AUTS2: variants seen among roughly 807,000 people sequenced by gnomAD.
AUTS2 encodes the protein activator of transcription and developmental regulator AUTS2, also known as autism susceptibility gene 2 protein.
AUTS2 carries 17 observed loss-of-function variants against 112.4 expected under a neutral mutation model. That is an observed-to-expected ratio of 0.15 (90% CI 0.10 to 0.23). AUTS2 has a LOEUF of 0.23. Ranked by LOEUF, AUTS2 falls within the 10% of genes least tolerant of loss-of-function variation. The pLI is 1.00. For missense variants in AUTS2, 1,510 were observed against 1,701.6 expected (o/e 0.89, Z 1.98); for synonymous variants, 751 against 702.7 (o/e 1.07, Z -1.09).
At chr7:70,046,979 GT>G (rs1158852364) in intron 2 of AUTS2, among the ~76,000 whole-genome samples, 2 of 152,128 alleles carry the variant, frequency 1.3e-5, no homozygotes, top group South Asian at 2.1e-4. Flanking sequence ...GAACCAGTTG[GT>G]TTTTTATTGT....
intron 5 of AUTS2, among the ~76,000 whole-genome samples, chr7:70,645,950 T>C (rs1042230865): frequency 2.6e-5 from 4 of 151,890 alleles, no homozygotes; most frequent in Admixed American, 1.3e-4. Flanking sequence ...GACTTTTTTT[T>C]CTTTGGCCGT....
intron 6 of AUTS2, among the ~76,000 whole-genome samples, chr7:70,733,324 T>C (rs992459387): frequency 3.9e-5 from 6 of 152,204 alleles, no homozygotes; most frequent in African/African-American, 1.4e-4. Context: ...AGTCATGGAA[T>C]AGTTCTATTG....
chr7:70,422,424 G>C (rs972865584), intron 4 of AUTS2, among the ~76,000 whole-genome samples: 2 of 152,118 alleles, frequency 1.3e-5, no homozygotes, highest in Admixed American at 6.5e-5. Flanking sequence ...GTAACCTTAA[G>C]ATGTGATTTC....
intron 2 of AUTS2, among the ~76,000 whole-genome samples, chr7:70,080,692 T>C (rs1338993393): frequency 1.3e-5 from 2 of 152,204 alleles, no homozygotes; most frequent in African/African-American, 2.4e-5. Context: ...AGAATGTAGC[T>C]CTGTGTCTTA....
Position 69,810,676 on chromosome 7 carries a change from T to A in AUTS2, c.310-88610T>A, listed in dbSNP as rs917569074. On this transcript the variant is annotated intron_variant, in intron 1 of 18. Transcript: ENST00000342771. ...ACCATTGTGTGTTTCCATGTGATCT[T>A]CCTTCCGTTTGAATATGACTAAAAA... Among the ~76,000 whole-genome samples, 12 of 152,118 alleles carry A rather than the reference T, an allele frequency of 7.9e-5. 1 individual carries two copies. The highest frequency in any genetic ancestry group is 1.2e-4 in the Non-Finnish European group (8 of 68,010).
intron 4 of AUTS2, among the ~76,000 whole-genome samples, chr7:70,421,379 G>A (rs1672278893): frequency 6.6e-6 from 1 of 151,016 alleles, no homozygotes; most frequent in African/African-American, 2.4e-5. Context: ...AAGTGGACAG[G>A]CATTTTCAAC....
intron 1 of AUTS2, among the ~76,000 whole-genome samples, chr7:69,630,410 A>G (rs1207187931): frequency 6.6e-6 from 1 of 152,194 alleles, no homozygotes; most frequent in East Asian, 1.9e-4. Flanking sequence ...CTGTGCTTCT[A>G]AGGATGTGCT....
rs574616026 is a variant in AUTS2, at chr7:70,421,235, C to T, written c.661-14517C>T. Among the ~76,000 whole-genome samples the T allele has an allele frequency of 5.3e-5, 8 of 151,818 alleles. No individual in the cohort carries two copies. In the South Asian group the frequency reaches 1.7e-3, roughly 32 times the overall value. On this transcript the variant is annotated intron_variant, in intron 4 of 18. Coordinates refer to ENST00000342771, the MANE Select transcript of AUTS2 (RefSeq NM_015570.4). ...CTTTTAACATAATTTTTTAGTAAAA[C>T]AAAAAAAGGTATTTAGAAAATATTA...
chr7:69,738,250 T>G (rs1787119502), intron 1 of AUTS2, among the ~76,000 whole-genome samples: 1 of 152,022 alleles, frequency 6.6e-6, no homozygotes, highest in African/African-American at 2.4e-5. Flanking sequence ...CCTTCTCTCC[T>G]TTTTCATCCC....
At chr7:70,474,888 G>T (rs1264854482) in intron 5 of AUTS2, among the ~76,000 whole-genome samples, 1 of 152,160 alleles carries the variant, frequency 6.6e-6, no homozygotes, top group Non-Finnish European at 1.5e-5. Context: ...CTTTCCCTGG[G>T]TTTAGGTCTG....
At chr7:70,142,134 G>T (rs1429221243) in intron 4 of AUTS2, among the ~76,000 whole-genome samples, 2 of 152,170 alleles carry the variant, frequency 1.3e-5, no homozygotes, top group African/African-American at 4.8e-5. Context: ...TGACATTGCT[G>T]TTGCAAACTC....
intron 1 of AUTS2, among the ~76,000 whole-genome samples, chr7:69,616,666 A>C (rs1793396862): frequency 6.6e-6 from 1 of 152,186 alleles, no homozygotes; most frequent in Non-Finnish European, 1.5e-5. Flanking sequence ...TCATTCATCA[A>C]ATTTAATATT....
At chr7:69,915,000 T>C (rs556861669) in intron 2 of AUTS2, among the ~76,000 whole-genome samples, 2 of 152,294 alleles carry the variant, frequency 1.3e-5, no homozygotes, top group South Asian at 2.1e-4. Context: ...CAAGAAACTC[T>C]GACATAACAG....
At chr7:69,973,595 A>C (rs2129548301) in intron 2 of AUTS2, among the ~76,000 whole-genome samples, 1 of 152,276 alleles carries the variant, frequency 6.6e-6, no homozygotes, top group Non-Finnish European at 1.5e-5. Context: ...TATCAAATTG[A>C]AGTAGTTCCT....
chr7:70,298,879 G>C (rs1187957350), intron 4 of AUTS2, among the ~76,000 whole-genome samples: 1 of 152,180 alleles, frequency 6.6e-6, no homozygotes, highest in African/African-American at 2.4e-5. Context: ...CCAAAAGCCA[G>C]ACAGCTCCAC....
intron 5 of AUTS2, among the ~76,000 whole-genome samples, chr7:70,609,456 G>A (rs1378955472): frequency 6.8e-6 from 1 of 146,714 alleles, no homozygotes; most frequent in Non-Finnish European, 1.5e-5. Flanking sequence ...GTGCAGTGGT[G>A]TGATCTCGGC....
chr7:70,376,469 C>G (rs1337429264), intron 4 of AUTS2, among the ~76,000 whole-genome samples: 1 of 151,904 alleles, frequency 6.6e-6, no homozygotes. Flanking sequence ...GGCCGGCACA[C>G]CGTAGTTGGC....
intron 1 of AUTS2, among the ~76,000 whole-genome samples, chr7:69,706,629 G>GT (rs561403214): frequency 7.4e-4 from 113 of 152,318 alleles, no homozygotes; most frequent in African/African-American, 2.6e-3. Flanking sequence ...TTTATGAGGA[G>GT]TTTTTTCTCC....
intron 5 of AUTS2, among the ~76,000 whole-genome samples, chr7:70,498,589 G>A (rs1798652618): frequency 6.6e-6 from 1 of 152,070 alleles, no homozygotes; most frequent in African/African-American, 2.4e-5. Flanking sequence ...GGGGTTGGTG[G>A]GCAGAAGGGT....
Sources: gnomAD v4.1 joint callset for allele counts (sites outside exome capture counted in the v4.1 genomes callset) on GRCh38, gnomAD v4.1.1 for gene constraint, MANE v1.5 for transcripts, NCBI Gene and HGNC (gene_info 2026-07-23, HGNC 2026-07-21) for gene names.